ZNF227: variants seen among roughly 807,000 people sequenced by gnomAD.
ZNF227 encodes the protein zinc finger protein 227.
Under a neutral mutation model 13.2 loss-of-function variants are expected in ZNF227, and 12 were observed. The ratio of observed to expected loss-of-function variants is 0.91; its 90% CI spans 0.58 to 1.47. The LOEUF is 1.47. Among genes scored for constraint, ZNF227 ranks in the 40% most tolerant of loss-of-function variants. The probability of loss-of-function intolerance (pLI) is 0.00; values close to 1 mark genes in which losing one functional copy is unlikely to be tolerated. For missense variants in ZNF227, 885 were observed against 967.5 expected, an observed-to-expected ratio of 0.91 and a Z score of 1.13; for synonymous variants, 338 against 326.0, an observed-to-expected ratio of 1.04 and a Z score of -0.40.
intron 5 of ZNF227, 39 bp downstream of exon 5, chr19:44,229,855 G>C (rs757269226): frequency 1.4e-6 from 2 of 1,438,262 alleles, no homozygotes; most frequent in Non-Finnish European, 1.9e-6. Flanking sequence ...TGTTCTTTCA[G>C]GTACTGGTTA....
intron 5 of ZNF227, among the ~76,000 whole-genome samples, chr19:44,232,676 T>G (rs1973968231): frequency 2.0e-5 from 3 of 152,084 alleles, no homozygotes; most frequent in Admixed American, 6.5e-5. Context: ...TTTTTTGTTT[T>G]TTTTTTTTGT....
At chr19:44,220,651 T>C (rs1972393194) in intron 3 of ZNF227, among the ~76,000 whole-genome samples, 2 of 152,006 alleles carry the variant, frequency 1.3e-5, no homozygotes, top group South Asian at 4.1e-4. Flanking sequence ...TCAGCATTTC[T>C]TTTTTTTAAA....
chr19:44,227,131 A>G (rs963096309), intron 3 of ZNF227: 5 of 152,246 alleles, frequency 3.3e-5, no homozygotes, highest in East Asian at 1.9e-4. Context: ...TGATAAAGAT[A>G]TGCGTTGTTC....
intron 2 of ZNF227, among the ~76,000 whole-genome samples, chr19:44,216,958 G>GTTTTTTTTTTTTTTTTTTTTTTTTTTTT (rs35474532): frequency 1.1e-5 from 1 of 91,646 alleles, no homozygotes; most frequent in Non-Finnish European, 2.1e-5. Flanking sequence ...TCATCTGCTT[G>GTTTTTTTTTTTTTTTTTTTTTTTTTTTT]TTTTTTTTTT....
intron 4 of ZNF227, chr19:44,228,819 A>G: frequency 2.1e-6 from 1 of 468,790 alleles, no homozygotes; most frequent in East Asian, 3.4e-5. Context: ...ATGTCTGGAA[A>G]TGGTTGTCAC....
chr19:44,227,209 C>A (rs899645367), intron 3 of ZNF227: 10 of 152,126 alleles, frequency 6.6e-5, no homozygotes, highest in African/African-American at 2.4e-4. Context: ...TTCATCTGAT[C>A]CTTTCAAACA....
At chr19:44,219,516 GA>G (rs150569597) in intron 3 of ZNF227, among the ~76,000 whole-genome samples, 1,851 of 151,974 alleles carry the variant, frequency 0.012, 43 homozygotes, top group African/African-American at 0.042. Context: ...AGAAATTTAT[GA>G]AAAAAACTTC....
At chr19:44,225,865 C>T (rs1973077543) in intron 3 of ZNF227, among the ~76,000 whole-genome samples, 1 of 152,166 alleles carries the variant, frequency 6.6e-6, no homozygotes. Context: ...TCCAGTTTTT[C>T]TGCTCTGTTT....
intron 3 of ZNF227, among the ~76,000 whole-genome samples, chr19:44,218,606 C>T (rs560681172): frequency 2.1e-4 from 32 of 152,322 alleles, no homozygotes; most frequent in Non-Finnish European, 2.2e-4. Flanking sequence ...ACTACATGTA[C>T]GTAAGGTCTA....
At chr19:44,213,753 G>T (rs1971563900) in intron 2 of ZNF227, 1 of 152,202 alleles carries the variant, frequency 6.6e-6, no homozygotes, top group Non-Finnish European at 1.5e-5. Flanking sequence ...CCTTGGGAAT[G>T]TAGGTATGGA....
chr19:44,225,902 G>C (rs1278004735), intron 3 of ZNF227, among the ~76,000 whole-genome samples: 5 of 152,066 alleles, frequency 3.3e-5, no homozygotes, highest in Admixed American at 1.3e-4. Context: ...GTTTTATCTA[G>C]TTTTGGTCTT....
chr19:44,228,589 T>C lies in ZNF227; in HGVS notation c.187+17T>C. On this transcript the variant is annotated intron_variant, in intron 4 of 5. Coordinates refer to ENST00000313040, the MANE Select transcript of ZNF227 (RefSeq NM_182490.3). Reference sequence around the variant, plus strand: ...TTGCAGTGGGTGAGGACAGGCACTCTCTGACCCTGAACTTCAGTTCCCTTG... The same window carrying C: ...TTGCAGTGGGTGAGGACAGGCACTCCCTGACCCTGAACTTCAGTTCCCTTG... 6.3e-7 allele frequency: 1 copy of C among 1,594,294 alleles called. No individual in the cohort carries two copies. The highest frequency in any genetic ancestry group is 8.5e-7 in the Non-Finnish European group (1 of 1,172,522).
chr19:44,232,340 C>T (rs1435056207), intron 5 of ZNF227, among the ~76,000 whole-genome samples: 5 of 152,244 alleles, frequency 3.3e-5, no homozygotes, highest in East Asian at 1.9e-4. Flanking sequence ...CTCTCTATAT[C>T]GCTCTAAGTT....
At chr19:44,211,201 TAAC>T (rs72041965), upstream of ZNF227, among the ~76,000 whole-genome samples, 24,323 of 148,076 alleles carry the variant, frequency 0.16, 5,104 homozygotes, top group African/African-American at 0.48. Context: ...AAACTCTGTC[TAAC>T]AACAACAACA....
At chr19:44,208,833 A>G (rs913273380), upstream of ZNF227, among the ~76,000 whole-genome samples, 5 of 152,250 alleles carry the variant, frequency 3.3e-5, no homozygotes, top group Admixed American at 3.3e-4. Flanking sequence ...CCTTATAGAA[A>G]TAATGCATGA....
chr19:44,208,196 T>C (rs183306788), upstream of ZNF227, among the ~76,000 whole-genome samples: 24 of 152,388 alleles, frequency 1.6e-4, no homozygotes, highest in East Asian at 4.4e-3. Context: ...TATACAATTC[T>C]ACTTTTGACC....
At position 44,235,962 on chromosome 19, in the gene ZNF227, A is replaced by T. The variant is rs764162365; in HGVS notation, c.1532A>T (p.Gln511Leu). Residue 511 changes from glutamine (Q) to leucine (L), a missense_variant, in exon 6 of 6, where the codon CAG (glutamine) becomes CTG (leucine). By Grantham distance (113) the Gln-to-Leu change is moderately radical. Transcript: ENST00000313040. ...FSQASNLQVH[Q>L]NVHTGEKRFK... ...CAGGCTTCAAATCTTCAAGTCCATCAGAATGTCCACACTGGGGAGAAACGA... is the reference window on the plus strand; with the variant it reads ...CAGGCTTCAAATCTTCAAGTCCATCTGAATGTCCACACTGGGGAGAAACGA... 8 of 1,614,034 alleles carry T rather than the reference A, an allele frequency of 5.0e-6. No individual in the cohort carries two copies. Among genetic ancestry groups the T allele is most frequent in the South Asian group, 1.1e-5 (1 of 91,066 alleles).
chr19:44,218,462 T>C (rs1972114824), intron 3 of ZNF227, among the ~76,000 whole-genome samples: 1 of 152,242 alleles, frequency 6.6e-6, no homozygotes, highest in Admixed American at 6.5e-5. Flanking sequence ...CTCAGGTGTT[T>C]TGTAAACAGA....
chr19:44,222,296 G>C (rs1972612329), intron 3 of ZNF227, among the ~76,000 whole-genome samples: 1 of 152,168 alleles, frequency 6.6e-6, no homozygotes, highest in South Asian at 2.1e-4. Flanking sequence ...CCTATTCTGT[G>C]AAGAAAGTCA....
Sources: gnomAD v4.1 joint callset for allele counts (sites outside exome capture counted in the v4.1 genomes callset) on GRCh38, gnomAD v4.1.1 for gene constraint, MANE v1.5 for transcripts, NCBI Gene and HGNC (gene_info 2026-07-23, HGNC 2026-07-21) for gene names.